TAFA2: variants seen among roughly 807,000 people sequenced by gnomAD.
TAFA2 encodes TAFA chemokine like family member 2, also known as chemokine-like protein TAFA-2.
In TAFA2, 7 loss-of-function variants were observed where a neutral mutation model predicts 18.8. That is an observed-to-expected ratio of 0.37 (90% confidence interval 0.21 to 0.70). TAFA2 has a LOEUF of 0.70. TAFA2 is among the 30% of genes least tolerant of loss of function. The pLI is 0.53. For synonymous variants in TAFA2, 60 were observed against 54.2 expected (o/e 1.11, Z -0.47); for missense variants, 122 against 158.1 (o/e 0.77, Z 1.23).
At chr12:61,895,161 A>G (rs1220481161) in intron 1 of TAFA2, among the ~76,000 whole-genome samples, 2 of 152,170 alleles carry the variant, frequency 1.3e-5, no homozygotes, top group East Asian at 3.9e-4. Context: ...GGATGGATGT[A>G]TGGATGTCCA....
intron 2 of TAFA2, among the ~76,000 whole-genome samples, chr12:61,835,824 G>A (rs886693383): frequency 1.3e-5 from 2 of 151,710 alleles, no homozygotes; most frequent in African/African-American, 4.8e-5. Context: ...ATAAATATTT[G>A]TTTCGTACCT....
rs182235854 is a variant in TAFA2, at chr12:61,808,820, T to A, written c.107-53796A>T. ...CACAGTGCCTGCAGCGCATACGGAATCAGCAAATGTTTATTAAATGCAGGC... is the reference window on the plus strand; with the variant it reads ...CACAGTGCCTGCAGCGCATACGGAAACAGCAAATGTTTATTAAATGCAGGC... On this transcript the variant is annotated intron_variant, in intron 2 of 4. Transcript: ENST00000416284. Among the ~76,000 whole-genome samples the A allele has an allele frequency of 2.4e-4, 36 of 151,542 alleles. 2 individuals carry two copies. Among genetic ancestry groups the A allele is most frequent in the African/African-American group, 8.3e-4 (34 of 40,806 alleles).
intron 1 of TAFA2, among the ~76,000 whole-genome samples, chr12:62,025,519 G>T (rs73122033): frequency 0.13 from 19,559 of 152,040 alleles, 1,372 homozygotes; most frequent in Non-Finnish European, 0.15. Context: ...TCTCTCAGTA[G>T]GAAATAGATT....
chr12:62,186,085 A>G (rs1188477049), intron 1 of TAFA2, among the ~76,000 whole-genome samples: 1 of 152,170 alleles, frequency 6.6e-6, no homozygotes, highest in Non-Finnish European at 1.5e-5. Flanking sequence ...TGCCCACTAT[A>G]ATTTATTTTC....
chr12:61,948,267 A>G (rs1878349442), intron 1 of TAFA2, among the ~76,000 whole-genome samples: 1 of 152,182 alleles, frequency 6.6e-6, no homozygotes, highest in South Asian at 2.1e-4. Flanking sequence ...AGGTTAAGTA[A>G]CTTTCACAAG....
At chr12:61,975,514 CGTGTGTGTGTGT>C (rs3031098) in intron 1 of TAFA2, among the ~76,000 whole-genome samples, 1 of 136,560 alleles carries the variant, frequency 7.3e-6, no homozygotes, top group Non-Finnish European at 1.6e-5. Context: ...CAATAATATT[CGTGTGTGTGTGT>C]GTGTGTGTGT....
intron 2 of TAFA2, among the ~76,000 whole-genome samples, chr12:61,768,791 G>C (rs773599262): frequency 1.3e-5 from 2 of 152,114 alleles, no homozygotes; most frequent in African/African-American, 4.8e-5. Context: ...GCTGAATTTT[G>C]TAACAATTTT....
At chr12:62,241,793 A>G (rs2062864249) in intron 1 of TAFA2, among the ~76,000 whole-genome samples, 1 of 152,336 alleles carries the variant, frequency 6.6e-6, no homozygotes, top group South Asian at 2.1e-4. Flanking sequence ...ATCACATCCT[A>G]TAGACTTCTA....
At chr12:61,881,349 C>A (rs1592457551) in intron 1 of TAFA2, among the ~76,000 whole-genome samples, 4 of 152,126 alleles carry the variant, frequency 2.6e-5, no homozygotes, top group Non-Finnish European at 5.9e-5. Context: ...CTACTACACA[C>A]CTAGGCTATT....
intron 1 of TAFA2, among the ~76,000 whole-genome samples, chr12:62,223,941 T>C (rs367917533): frequency 6.6e-6 from 1 of 152,176 alleles, no homozygotes; most frequent in Non-Finnish European, 1.5e-5. Context: ...TCTGAGTATA[T>C]ATCCAAAATC....
chr12:62,245,885 G>A (rs1397287524), intron 1 of TAFA2, among the ~76,000 whole-genome samples: 4 of 149,620 alleles, frequency 2.7e-5, no homozygotes, highest in Non-Finnish European at 5.9e-5. Context: ...AACACCTTAA[G>A]ATAAAATTTT....
At chr12:62,018,518 C>T (rs1881013492) in intron 1 of TAFA2, among the ~76,000 whole-genome samples, 1 of 152,036 alleles carries the variant, frequency 6.6e-6, no homozygotes, top group South Asian at 2.1e-4. Context: ...AACTATCTGC[C>T]ACGTATCTAC....
intron 1 of TAFA2, among the ~76,000 whole-genome samples, chr12:62,093,529 T>TC (rs1449052096): frequency 6.6e-6 from 1 of 151,962 alleles, no homozygotes; most frequent in African/African-American, 2.4e-5. Flanking sequence ...AAACAAAGAA[T>TC]CAGCAAGACC....
intron 2 of TAFA2, among the ~76,000 whole-genome samples, chr12:61,788,417 G>A (rs2120916608): frequency 6.6e-6 from 1 of 151,782 alleles, no homozygotes; most frequent in East Asian, 1.9e-4. Context: ...TTTCTCAACT[G>A]TAAATGGTAC....
intron 2 of TAFA2, among the ~76,000 whole-genome samples, chr12:61,867,050 T>G (rs1874384713): frequency 1.3e-5 from 2 of 152,254 alleles, no homozygotes; most frequent in South Asian, 4.1e-4. Context: ...ACTCATCATT[T>G]AGCATTAGGT....
Position 61,723,073 on chromosome 12 carries a change from C to A in TAFA2, c.385-12656G>T, listed in dbSNP as rs1377473445. On this transcript the variant is annotated intron_variant, in intron 4 of 4. Coordinates refer to ENST00000416284, the MANE Select transcript of TAFA2 (RefSeq NM_178539.5). ...CTACTTAATCCTAGGACTTGATGTGCCCATTCATGTCCCCTGATCTTTGTG... is the reference window on the plus strand; with the variant it reads ...CTACTTAATCCTAGGACTTGATGTGACCATTCATGTCCCCTGATCTTTGTG... Among the ~76,000 whole-genome samples the A allele has an allele frequency of 3.3e-5, 5 of 152,144 alleles. No homozygotes were observed. In the South Asian group the frequency reaches 6.2e-4, roughly 19 times the overall value.
At chr12:62,077,948 G>T (rs998179360) in intron 1 of TAFA2, among the ~76,000 whole-genome samples, 4 of 152,172 alleles carry the variant, frequency 2.6e-5, no homozygotes, top group African/African-American at 9.6e-5. Flanking sequence ...AAATCAACAT[G>T]TCCCTAATTT....
chr12:61,921,383 C>T (rs865816556), intron 1 of TAFA2, among the ~76,000 whole-genome samples: 4 of 152,268 alleles, frequency 2.6e-5, no homozygotes, highest in South Asian at 4.1e-4. Flanking sequence ...AGCAAGAAGA[C>T]TCCCTGATAG....
chr12:61,759,948 A>G (rs894388352), intron 2 of TAFA2, among the ~76,000 whole-genome samples: 15 of 151,886 alleles, frequency 9.9e-5, no homozygotes, highest in Non-Finnish European at 1.9e-4. Flanking sequence ...GGCACAATGG[A>G]GAGTAGGGAA....
Sources: gnomAD v4.1 joint callset for allele counts (sites outside exome capture counted in the v4.1 genomes callset) on GRCh38, gnomAD v4.1.1 for gene constraint, MANE v1.5 for transcripts, NCBI Gene and HGNC (gene_info 2026-07-23, HGNC 2026-07-21) for gene names.